Variants in DLG2 observed in about 807,000 individuals in gnomAD.
The protein encoded by DLG2 is disks large homolog 2.
A neutral mutation model predicts 132.5 loss-of-function variants in DLG2; 45 were observed. The ratio of observed to expected loss-of-function variants is 0.34; its 90% CI spans 0.27 to 0.44. The LOEUF (loss-of-function observed/expected upper bound fraction) is 0.44, where lower values mean the gene tolerates loss of function less well. DLG2 is among the 20% of genes least tolerant of loss of function. DLG2 has a pLI of 1.00. For missense variants in DLG2, 1,045 were observed against 1,196.9 expected (o/e 0.87, Z 1.87); for synonymous variants, 424 against 419.6 (o/e 1.01, Z -0.13).
At chr11:84,726,014 AAG>A (rs899391601) in intron 6 of DLG2, among the ~76,000 whole-genome samples, 4 of 152,104 alleles carry the variant, frequency 2.6e-5, no homozygotes, top group African/African-American at 9.7e-5. Flanking sequence ...CCTCTTACTG[AAG>A]AACACACAAA....
intron 12 of DLG2, among the ~76,000 whole-genome samples, chr11:83,976,198 A>G (rs1219462486): frequency 6.6e-6 from 1 of 151,946 alleles, no homozygotes; most frequent in African/African-American, 2.4e-5. Context: ...AGTAGAGGGC[A>G]GTTGCTAGGA....
At chr11:85,472,046 C>T (rs1032604008) in intron 3 of DLG2, among the ~76,000 whole-genome samples, 8 of 152,110 alleles carry the variant, frequency 5.3e-5, no homozygotes, top group Non-Finnish European at 8.8e-5. Flanking sequence ...TGGTGAAACC[C>T]GACCTTCAAA....
intron 3 of DLG2, among the ~76,000 whole-genome samples, chr11:85,586,229 G>A (rs1225653482): frequency 6.6e-6 from 1 of 152,088 alleles, no homozygotes; most frequent in African/African-American, 2.4e-5. Flanking sequence ...ATCCCAGAAT[G>A]ATTTAGGGAG....
intron 4 of DLG2, among the ~76,000 whole-genome samples, chr11:85,218,069 C>T (rs1275016152): frequency 6.6e-6 from 1 of 152,102 alleles, no homozygotes. Flanking sequence ...TTTTGTCCAC[C>T]TTGTCAAAGA....
At chr11:84,012,813 C>T (rs896358767) in intron 11 of DLG2, among the ~76,000 whole-genome samples, 7 of 152,074 alleles carry the variant, frequency 4.6e-5, no homozygotes, top group African/African-American at 1.4e-4. Context: ...GAAGGGATCT[C>T]GGGGTTAATC....
At chr11:84,699,242 G>C (rs890163663) in intron 6 of DLG2, among the ~76,000 whole-genome samples, 2 of 151,580 alleles carry the variant, frequency 1.3e-5, no homozygotes, top group African/African-American at 4.8e-5. Context: ...TTAACTGTAA[G>C]TGCTTGGGCA....
chr11:85,361,916 A>T (rs1406824193), intron 3 of DLG2, among the ~76,000 whole-genome samples: 1 of 152,136 alleles, frequency 6.6e-6, no homozygotes, highest in Non-Finnish European at 1.5e-5. Flanking sequence ...TAAGATACCG[A>T]TTCTTCCAAT....
At chr11:84,656,007 C>T (rs185984082) in intron 6 of DLG2, among the ~76,000 whole-genome samples, 1 of 152,204 alleles carries the variant, frequency 6.6e-6, no homozygotes, top group Admixed American at 6.6e-5. Context: ...GACTTAGTAA[C>T]AGAGACAAAG....
intron 15 of DLG2, among the ~76,000 whole-genome samples, chr11:83,896,009 G>T (rs1354813131): frequency 1.3e-5 from 2 of 151,716 alleles, no homozygotes; most frequent in Non-Finnish European, 2.9e-5. Context: ...CGAACCATTT[G>T]TACTTGCATT....
At chr11:83,483,420 G>C in intron 22 of DLG2, 1 of 655,024 alleles carries the variant, frequency 1.5e-6, no homozygotes, top group Non-Finnish European at 2.7e-6. Flanking sequence ...TAACAATCTG[G>C]ATCCCATTCT....
intron 7 of DLG2, among the ~76,000 whole-genome samples, chr11:84,422,582 C>G (rs2098954462): frequency 6.6e-6 from 1 of 152,276 alleles, no homozygotes; most frequent in East Asian, 1.9e-4. Context: ...TACGCACATT[C>G]AATTTTCCCA....
At chr11:85,071,131 A>G (rs1447463626) in intron 6 of DLG2, among the ~76,000 whole-genome samples, 3 of 151,876 alleles carry the variant, frequency 2.0e-5, no homozygotes, top group Non-Finnish European at 4.4e-5. Flanking sequence ...CATCTATATA[A>G]AGCTATCAGA....
At position 83,533,068 on chromosome 11, in the gene DLG2, A is replaced by G. The variant is rs192416483; in HGVS notation, c.2118-285T>C. On this transcript the variant is annotated intron_variant, in intron 20 of 27. Coordinates refer to ENST00000376104, the MANE Select transcript of DLG2 (RefSeq NM_001142699.3). Reference sequence around the variant, plus strand: ...TAATATTTGCTATTTAAATGCTTAAATAATTAAATCAAAATCTATTTCAAA... The same window carrying G: ...TAATATTTGCTATTTAAATGCTTAAGTAATTAAATCAAAATCTATTTCAAA... Among the ~76,000 whole-genome samples, 26 of 152,330 alleles carry G rather than the reference A, an allele frequency of 1.7e-4. No individual in the cohort carries two copies. The East Asian group carries it at 5.0e-3, about 29-fold the overall frequency.
intron 7 of DLG2, among the ~76,000 whole-genome samples, chr11:84,477,687 A>G (rs1203119653): frequency 6.6e-6 from 1 of 152,126 alleles, no homozygotes; most frequent in Non-Finnish European, 1.5e-5. Context: ...TTCAAATAAT[A>G]TTTTCTAACC....
At chr11:83,880,441 G>T (rs890849041) in intron 15 of DLG2, among the ~76,000 whole-genome samples, 2 of 152,160 alleles carry the variant, frequency 1.3e-5, no homozygotes, top group Admixed American at 1.3e-4. Context: ...AAGGAGCTAA[G>T]GAGAAGACAC....
intron 3 of DLG2, among the ~76,000 whole-genome samples, chr11:85,488,923 T>A (rs1055993186): frequency 1.3e-5 from 2 of 152,038 alleles, no homozygotes; most frequent in African/African-American, 4.8e-5. Flanking sequence ...TAAAACTCAT[T>A]GGTAAATTAA....
At chr11:85,314,368 A>C (rs1179042338) in intron 3 of DLG2, among the ~76,000 whole-genome samples, 1 of 151,998 alleles carries the variant, frequency 6.6e-6, no homozygotes, top group Non-Finnish European at 1.5e-5. Context: ...ATCTGAAAGG[A>C]AAAACAGGTC....
At chr11:84,817,005 A>G (rs1361941259) in intron 6 of DLG2, among the ~76,000 whole-genome samples, 1 of 151,966 alleles carries the variant, frequency 6.6e-6, no homozygotes. Context: ...TTCCTATTAC[A>G]TTATACTACA....
chr11:85,185,309 A>C (rs2080011870), intron 4 of DLG2, among the ~76,000 whole-genome samples: 1 of 151,976 alleles, frequency 6.6e-6, no homozygotes, highest in East Asian at 1.9e-4. Flanking sequence ...TTGATCAATC[A>C]AATTCATTAT....
Sources: allele counts gnomAD v4.1 joint callset (sites outside exome capture counted in the v4.1 genomes callset), GRCh38; gene constraint gnomAD v4.1.1; transcripts MANE v1.5; gene names NCBI Gene and HGNC (gene_info 2026-07-23, HGNC 2026-07-21).